The following DPYD variants were observed in gnomAD, a reference collection of about 807,000 sequenced individuals.
The protein encoded by DPYD is dihydropyrimidine dehydrogenase.
A neutral mutation model predicts 116.2 loss-of-function variants in DPYD; 109 were observed. The observed-to-expected ratio is 0.94, with a 90% confidence interval of 0.80 to 1.10. DPYD has a LOEUF of 1.10. DPYD is among the 50% of genes least tolerant of loss of function. The pLI is 0.00. For missense variants in DPYD, 1,302 were observed against 1,254.5 expected (o/e 1.04, Z -0.57); for synonymous variants, 440 against 432.0 (o/e 1.02, Z -0.23).
At position 97,527,104 on chromosome 1, in the gene DPYD, T is replaced by C. The variant is rs1004415902; in HGVS notation, c.1525-11163A>G. 2.0e-5 allele frequency among the ~76,000 whole-genome samples: 3 copies of C among 150,026 alleles called. No homozygotes were observed. In the Admixed American group the frequency reaches 2.0e-4, roughly 10 times the overall value. ...TTTTTTTTCTTTTTTTTTGAGACGG[T>C]GTGTTGCTCTGTCGCCCAGGCTGGA... On this transcript the variant is annotated intron_variant, in intron 12 of 22. Coordinates refer to ENST00000370192, the MANE Select transcript of DPYD (RefSeq NM_000110.4).
intron 20 of DPYD, among the ~76,000 whole-genome samples, chr1:97,183,244 G>A: frequency 6.6e-6 from 1 of 152,042 alleles, no homozygotes; most frequent in East Asian, 1.9e-4. Context: ...TTACCTTACT[G>A]TTTACTTTTT....
At chr1:97,144,184 C>T (rs566904472) in intron 20 of DPYD, among the ~76,000 whole-genome samples, 61 of 152,294 alleles carry the variant, frequency 4.0e-4, no homozygotes, top group South Asian at 2.1e-3. Context: ...AATGGGTACG[C>T]TTCCTTAATG....
intron 16 of DPYD, among the ~76,000 whole-genome samples, chr1:97,316,536 TA>T (rs1428659292): frequency 6.7e-6 from 1 of 149,756 alleles, no homozygotes; most frequent in Non-Finnish European, 1.5e-5. Flanking sequence ...TAAAATAAAA[TA>T]AAATAAAATA....
At chr1:97,596,014 C>A (rs550776039) in intron 8 of DPYD, among the ~76,000 whole-genome samples, 1 of 152,088 alleles carries the variant, frequency 6.6e-6, no homozygotes, top group Non-Finnish European at 1.5e-5. Flanking sequence ...AGTCTTAAAT[C>A]TATCTTAAGA....
chr1:97,322,235 A>T lies in DPYD; in HGVS notation c.2059-15938T>A, dbSNP rs999338617. Among the ~76,000 whole-genome samples the T allele has an allele frequency of 9.0e-5, 8 of 88,766 alleles. No homozygotes were observed. In the South Asian group the frequency reaches 1.4e-3, roughly 15 times the overall value. 58.2% of individuals were successfully genotyped at this position (88,766 alleles called of 152,430 possible). A position where few individuals can be genotyped will look rare whatever the true frequency, so the allele number is the denominator to read the frequency against. On this transcript the variant is annotated intron_variant, in intron 16 of 22. Transcript: ENST00000370192. ...TGTACCCTAAAACTTAAAGTATAAT[A>T]AAAAAAAATAATAAATAAATAAATA... is the stretch of plus-strand genomic sequence containing the variant.
chr1:97,437,477 T>TTTG (rs949287603), intron 14 of DPYD, among the ~76,000 whole-genome samples: 6 of 151,892 alleles, frequency 4.0e-5, no homozygotes, highest in Admixed American at 6.6e-5. Flanking sequence ...TCCCAGGTTT[T>TTTG]TTGTTGTTGT....
At chr1:97,445,183 T>G (rs994467102) in intron 14 of DPYD, among the ~76,000 whole-genome samples, 3 of 152,182 alleles carry the variant, frequency 2.0e-5, no homozygotes. Context: ...TAACTACAGA[T>G]TTGATTGGAC....
intron 21 of DPYD, among the ~76,000 whole-genome samples, chr1:97,096,541 A>T (rs1650260401): frequency 6.6e-6 from 1 of 152,166 alleles, no homozygotes; most frequent in Admixed American, 6.6e-5. Flanking sequence ...AACTTTTCTT[A>T]CAAGAGGATT....
intron 3 of DPYD, among the ~76,000 whole-genome samples, chr1:97,768,879 G>C (rs1411930138): frequency 6.6e-6 from 1 of 151,364 alleles, no homozygotes; most frequent in Non-Finnish European, 1.5e-5. Context: ...ATAAATATTT[G>C]TCATATTTTG....
In DPYD at chr1:97,285,670, T is replaced by C. The variant is rs187307959; in HGVS notation, c.2299+19589A>G. On this transcript the variant is annotated intron_variant, in intron 18 of 22. Coordinates refer to ENST00000370192, the MANE Select transcript of DPYD (RefSeq NM_000110.4). ...GACAATTGGCTGAAAGTCAACTTTT[T>C]ATTGTTCCTTTAATTTTTTTTTTTT... 6.7e-3 allele frequency among the ~76,000 whole-genome samples: 982 copies of C among 145,488 alleles called. 6 individuals are homozygous for C. Among genetic ancestry groups the C allele is most frequent in the Non-Finnish European group, 0.012 (781 of 67,120 alleles).
At chr1:97,387,013 C>T (rs1165535624) in intron 14 of DPYD, among the ~76,000 whole-genome samples, 2 of 151,930 alleles carry the variant, frequency 1.3e-5, no homozygotes, top group African/African-American at 4.8e-5. Flanking sequence ...CGTGAAACAT[C>T]ATGCAATGTT....
intron 3 of DPYD, among the ~76,000 whole-genome samples, chr1:97,770,412 TA>T (rs1194848187): frequency 6.6e-6 from 1 of 152,076 alleles, no homozygotes; most frequent in South Asian, 2.1e-4. Context: ...CAAAGCCTTT[TA>T]AAAAAACTTT....
chr1:97,723,713 T>A (rs1432764582), intron 4 of DPYD, among the ~76,000 whole-genome samples: 2 of 151,562 alleles, frequency 1.3e-5, no homozygotes, highest in African/African-American at 4.8e-5. Flanking sequence ...TTCGGTAGTG[T>A]CTCTAAAAGA....
At position 97,336,103 on chromosome 1, in the gene DPYD, CAAT is replaced by C. The variant is rs915173422; in HGVS notation, c.2059-29809_2059-29807del. 5.9e-5 allele frequency among the ~76,000 whole-genome samples: 9 copies of C among 152,256 alleles called. No individual in the cohort carries two copies. In the East Asian group the frequency reaches 1.7e-3, roughly 29 times the overall value. The stretch of plus-strand genomic sequence containing the variant: ...TTAAAAGAAAGCTCCAAAAAAGCAA[CAAT>C]GTGACAGTGTCTCCACCTCACAGAA... On this transcript the variant is annotated intron_variant, in intron 16 of 22. Transcript: ENST00000370192.
intron 20 of DPYD, among the ~76,000 whole-genome samples, chr1:97,115,269 G>A (rs2101631975): frequency 6.6e-6 from 1 of 152,232 alleles, no homozygotes; most frequent in African/African-American, 2.4e-5. Flanking sequence ...TGTTTCTTAT[G>A]GTATTGCAAC....
chr1:97,150,756 A>C (rs942754543), intron 20 of DPYD, among the ~76,000 whole-genome samples: 1 of 152,144 alleles, frequency 6.6e-6, no homozygotes. Context: ...ATTTTACTTA[A>C]AGAGAAGGAG....
At chr1:97,902,343 G>A (rs552145605) in intron 1 of DPYD, among the ~76,000 whole-genome samples, 64 of 151,830 alleles carry the variant, frequency 4.2e-4, no homozygotes, top group Non-Finnish European at 6.0e-4. Context: ...ACTTTACATT[G>A]CCTACGAGCC....
chr1:97,553,416 C>T (rs887262645), intron 11 of DPYD, among the ~76,000 whole-genome samples: 6 of 151,984 alleles, frequency 3.9e-5, no homozygotes, highest in African/African-American at 1.4e-4. Context: ...GGAAGACTAT[C>T]ATCCTCATCA....
intron 8 of DPYD, among the ~76,000 whole-genome samples, chr1:97,603,258 G>T (rs1455491738): frequency 6.6e-6 from 1 of 151,760 alleles, no homozygotes; most frequent in Non-Finnish European, 1.5e-5. Flanking sequence ...CCAAAGTAAA[G>T]AAATCATTAA....
Sources: allele counts gnomAD v4.1 joint callset (sites outside exome capture counted in the v4.1 genomes callset), GRCh38; gene constraint gnomAD v4.1.1; transcripts MANE v1.5; gene names NCBI Gene and HGNC (gene_info 2026-07-23, HGNC 2026-07-21).